DOCK9: variants seen among roughly 807,000 people sequenced by gnomAD.
DOCK9 encodes dedicator of cytokinesis 9, also known as dedicator of cytokinesis protein 9.
DOCK9 carries 89 observed loss-of-function variants against 263.3 expected under a neutral mutation model. That is an observed-to-expected ratio of 0.34 (90% CI 0.28 to 0.40). The LOEUF (loss-of-function observed/expected upper bound fraction) is 0.40. Among genes scored for constraint, DOCK9 ranks in the 10% least tolerant of loss-of-function variants. The pLI, the probability that DOCK9 is intolerant of heterozygous loss-of-function variation, is 1.00. For missense variants in DOCK9, 2,140 were observed against 2,603.4 expected, an observed-to-expected ratio of 0.82 and a Z score of 3.87; for synonymous variants, 976 against 973.1, an observed-to-expected ratio of 1.00 and a Z score of -0.06.
intron 1 of DOCK9, among the ~76,000 whole-genome samples, chr13:99,037,242 A>T (rs140086855): frequency 2.0e-5 from 3 of 152,348 alleles, no homozygotes; most frequent in Non-Finnish European, 2.9e-5. Flanking sequence ...ACCTGATTAA[A>T]GATTTGTATC....
chr13:98,850,063 A>G lies in DOCK9; in HGVS notation c.3997T>C (p.Phe1333Leu). 2 of 1,567,210 alleles carry G rather than the reference A, an allele frequency of 1.3e-6. No individual in the cohort carries two copies. The highest frequency in any genetic ancestry group is 1.7e-6 in the Non-Finnish European group (2 of 1,158,598). Residue 1333 changes from phenylalanine to leucine, a missense_variant, in exon 36 of 53, where the codon TTT becomes CTT. This residue lies in a region of DOCK9 where 1,521 missense variants were observed against 1,741.7 expected (regional missense o/e 0.87). Coordinates refer to ENST00000682017, the MANE Select transcript of DOCK9 (RefSeq NM_001366683.2). ...NKASTSELMD[F>L]FTISEVCLHQ... ...GCTACTTACTCAGATATTGTAAAAA[A>G]ATCCATAAGTTCAGATGTTGAAGCC...
At chr13:98,947,354 T>G (rs2056845071) in intron 2 of DOCK9, among the ~76,000 whole-genome samples, 1 of 152,074 alleles carries the variant, frequency 6.6e-6, no homozygotes, top group Non-Finnish European at 1.5e-5. Context: ...TAAGCTCAGC[T>G]GATCAGTGCT....
intron 7 of DOCK9, among the ~76,000 whole-genome samples, chr13:98,918,931 G>T (rs1480544824): frequency 1.3e-5 from 2 of 152,130 alleles, no homozygotes; most frequent in African/African-American, 4.8e-5. Context: ...AAAGGAGGGT[G>T]CCAGGAGCTA....
intron 1 of DOCK9, among the ~76,000 whole-genome samples, chr13:99,031,069 T>A (rs1033761888): frequency 6.6e-6 from 1 of 152,092 alleles, no homozygotes; most frequent in Non-Finnish European, 1.5e-5. Context: ...AAAAAAAAAT[T>A]AACAACATAG....
chr13:98,918,036 AC>A (rs1358923034), intron 7 of DOCK9, among the ~76,000 whole-genome samples: 3 of 152,150 alleles, frequency 2.0e-5, no homozygotes, highest in Non-Finnish European at 2.9e-5. Flanking sequence ...TCCACTGCTG[AC>A]CATAAGGAAG....
At chr13:99,077,497 C>T (rs944408301) in intron 1 of DOCK9, among the ~76,000 whole-genome samples, 32 of 152,196 alleles carry the variant, frequency 2.1e-4, no homozygotes, top group Non-Finnish European at 4.4e-5. Flanking sequence ...AAGCAGAAAC[C>T]TGTACAGCCT....
intron 32 of DOCK9, 25 bp from the exon 33 acceptor site, chr13:98,860,547 C>T (rs1352012452): frequency 2.0e-6 from 3 of 1,535,722 alleles, no homozygotes; most frequent in Admixed American, 4.0e-5. Context: ...AAAGCAGAAA[C>T]AATCAAAGAT....
chr13:98,996,817 G>C (rs1363951695), intron 1 of DOCK9, among the ~76,000 whole-genome samples: 1 of 152,128 alleles, frequency 6.6e-6, no homozygotes, highest in African/African-American at 2.4e-5. Context: ...TACCTTCCTT[G>C]GTTTTATTGT....
chr13:99,034,295 G>A (rs910685937), intron 1 of DOCK9, among the ~76,000 whole-genome samples: 39 of 152,286 alleles, frequency 2.6e-4, no homozygotes, highest in Middle Eastern at 3.4e-3. Context: ...AAGTCACTGA[G>A]GTAACAGCTC....
chr13:98,984,034 T>TGG (rs1386859649), intron 1 of DOCK9, among the ~76,000 whole-genome samples: 1 of 152,194 alleles, frequency 6.6e-6, no homozygotes, highest in Non-Finnish European at 1.5e-5. Flanking sequence ...TTAGGGAAGG[T>TGG]GGTCCACAAA....
chr13:99,066,060 C>G (rs1322112690), intron 1 of DOCK9, among the ~76,000 whole-genome samples: 2 of 152,054 alleles, frequency 1.3e-5, no homozygotes, highest in African/African-American at 4.8e-5. Flanking sequence ...TTAACATGAC[C>G]CACACACGTC....
chr13:98,873,046 C>T (rs1375517799), intron 27 of DOCK9, among the ~76,000 whole-genome samples: 1 of 152,186 alleles, frequency 6.6e-6, no homozygotes, highest in Non-Finnish European at 1.5e-5. Context: ...CAATGCCTTG[C>T]TCACCTCTCT....
chr13:98,900,170 A>C (rs1284163917), intron 13 of DOCK9, among the ~76,000 whole-genome samples: 2 of 152,238 alleles, frequency 1.3e-5, no homozygotes, highest in African/African-American at 4.8e-5. Context: ...ATTCCATAAA[A>C]AAATGAAGAA....
chr13:98,877,527 G>T (rs930714767), intron 27 of DOCK9, among the ~76,000 whole-genome samples: 2 of 152,076 alleles, frequency 1.3e-5, no homozygotes, highest in African/African-American at 4.8e-5. Flanking sequence ...GTGGTGCTGG[G>T]TCCTAAGCTT....
At chr13:98,988,660 T>C (rs1419058087) in intron 1 of DOCK9, among the ~76,000 whole-genome samples, 1 of 152,244 alleles carries the variant, frequency 6.6e-6, no homozygotes, top group African/African-American at 2.4e-5. Flanking sequence ...GACTTAAAAC[T>C]GAAGCTCAAC....
chr13:99,042,154 A>G (rs1428745019), intron 1 of DOCK9, among the ~76,000 whole-genome samples: 3 of 152,236 alleles, frequency 2.0e-5, no homozygotes, highest in Non-Finnish European at 4.4e-5. Context: ...GCAGCCTGCA[A>G]TAAGTCAGGC....
chr13:98,843,154 T>A (rs190750696), intron 38 of DOCK9, among the ~76,000 whole-genome samples: 22 of 152,318 alleles, frequency 1.4e-4, no homozygotes, highest in Non-Finnish European at 2.8e-4. Context: ...GTACAGGGAC[T>A]CTTCCTATTT....
At position 98,929,126 on chromosome 13, in the gene DOCK9, T is replaced by C. The variant is rs375674098; in HGVS notation, c.333+1042A>G. On this transcript the variant is annotated intron_variant, in intron 3 of 52. Coordinates refer to ENST00000682017, the MANE Select transcript of DOCK9 (RefSeq NM_001366683.2). The stretch of plus-strand genomic sequence containing the variant: ...TTAAAAAAAAATCATTATTTTTAAA[T>C]GAAGGTGCACTTAAAGAAACAAAAT... 9.2e-5 allele frequency among the ~76,000 whole-genome samples: 14 copies of C among 152,276 alleles called. No individual in the cohort carries two copies. The East Asian group carries it at 2.7e-3, about 29-fold the overall frequency.
chr13:99,076,512 C>T (rs1452790882), intron 1 of DOCK9, among the ~76,000 whole-genome samples: 1 of 152,142 alleles, frequency 6.6e-6, no homozygotes, highest in Non-Finnish European at 1.5e-5. Context: ...ACAGAACCAG[C>T]CTCAAAGTGA....
Sources: gnomAD v4.1 joint callset for allele counts (sites outside exome capture counted in the v4.1 genomes callset) on GRCh38, gnomAD v4.1.1 for gene constraint, gnomAD v4.1.1 regional missense constraint, MANE v1.5 for transcripts, NCBI Gene and HGNC (gene_info 2026-07-23, HGNC 2026-07-21) for gene names.